Variants in SSU72 observed in about 807,000 individuals in gnomAD.
The protein encoded by SSU72 is SSU72 homolog, RNA polymerase II CTD phosphatase.
SSU72 carries 12 observed loss-of-function variants against 22.7 expected under a neutral mutation model. The observed-to-expected ratio is 0.53, with a 90% CI of 0.34 to 0.86. The LOEUF (loss-of-function observed/expected upper bound fraction) is 0.86, where lower values mean the gene tolerates loss of function less well. Among genes scored for constraint, SSU72 ranks in the 40% least tolerant of loss-of-function variants. The pLI is 0.02. For missense variants in SSU72, 151 were observed against 249.8 expected, an observed-to-expected ratio of 0.60 and a Z score of 2.67; for synonymous variants, 116 against 98.3, an observed-to-expected ratio of 1.18 and a Z score of -1.06.
At chr1:1,564,366 C>G (rs532532726) in intron 2 of SSU72, 26 of 1,126,464 alleles carry the variant, frequency 2.3e-5, no homozygotes, top group Middle Eastern at 3.0e-4. Context: ...TGTGAAGCAG[C>G]CCGGCTCCAT....
At chr1:1,571,727 G>A (rs572554975) in intron 1 of SSU72, among the ~76,000 whole-genome samples, 89 of 152,248 alleles carry the variant, frequency 5.8e-4, no homozygotes, top group Middle Eastern at 3.4e-3. Flanking sequence ...TCGTCTCAGC[G>A]AGGTTATGAC....
chr1:1,549,927 TGC>T (rs1465265626), intron 2 of SSU72, among the ~76,000 whole-genome samples: 1 of 148,880 alleles, frequency 6.7e-6, no homozygotes, highest in Non-Finnish European at 1.5e-5. Flanking sequence ...GAGCCGAGAT[TGC>T]GCCTCTATAC....
chr1:1,543,872 C>T lies in SSU72; in HGVS notation c.480G>A (p.Gln160=). 6.2e-7 allele frequency: 1 copy of T among 1,613,020 alleles called. No individual in the cohort carries two copies. Among genetic ancestry groups the T allele is most frequent in the Non-Finnish European group, 8.5e-7 (1 of 1,179,478 alleles). The change falls in exon 4 of 5, where the codon CAG becomes CAA. Residue 160 remains glutamine (Q), a synonymous_variant. Transcript: ENST00000291386. ...CGGCGCCCAGCCGGGTACTTACACACTGGCAGAGCTCACAGATGAGAAACG... is the reference window on the plus strand; with the variant it reads ...CGGCGCCCAGCCGGGTACTTACACATTGGCAGAGCTCACAGATGAGAAACG... ...LGAFLICELC[Q]CIQHTEDMEN...
intron 2 of SSU72, among the ~76,000 whole-genome samples, chr1:1,547,366 CAATA>C (rs1642402559): frequency 6.6e-6 from 1 of 152,210 alleles, no homozygotes; most frequent in African/African-American, 2.4e-5. Flanking sequence ...GTAGATGAGG[CAATA>C]AATTAAGAAT....
intron 2 of SSU72, among the ~76,000 whole-genome samples, chr1:1,549,674 A>G (rs1209599714): frequency 1.3e-5 from 2 of 151,624 alleles, no homozygotes; most frequent in East Asian, 3.9e-4. Flanking sequence ...CCCTGACTCT[A>G]CTAAAGTACA....
intron 1 of SSU72, among the ~76,000 whole-genome samples, chr1:1,566,264 CA>C (rs1322257918): frequency 1.3e-5 from 2 of 151,554 alleles, no homozygotes; most frequent in Non-Finnish European, 2.9e-5. Flanking sequence ...GACTCTGTCC[CA>C]AAAAAACAAC....
chr1:1,555,690 T>C (rs541591402), intron 2 of SSU72, among the ~76,000 whole-genome samples: 1 of 152,190 alleles, frequency 6.6e-6, no homozygotes, highest in African/African-American at 2.4e-5. Flanking sequence ...ACCACTTCCA[T>C]GTCAACGTAT....
intron 3 of SSU72, among the ~76,000 whole-genome samples, chr1:1,544,236 G>A (rs1642361846): frequency 6.6e-6 from 1 of 152,198 alleles, no homozygotes; most frequent in South Asian, 2.1e-4. Context: ...CCAGTCCTGG[G>A]GTGAACCGTG....
At chr1:1,547,155 G>A (rs1642400590) in intron 2 of SSU72, among the ~76,000 whole-genome samples, 1 of 152,146 alleles carries the variant, frequency 6.6e-6, no homozygotes, top group African/African-American at 2.4e-5. Context: ...GGGTCCAGTG[G>A]CAGCTTCATG....
intron 1 of SSU72, among the ~76,000 whole-genome samples, 155 bp downstream of exon 1, chr1:1,574,323 G>A (rs930729633): frequency 1.3e-5 from 2 of 152,130 alleles, no homozygotes; most frequent in Admixed American, 1.3e-4. Flanking sequence ...GACTACGCGC[G>A]CTGCCGTCCA....
In SSU72 at chr1:1,564,874, G is replaced by A. The variant is rs766638073; in HGVS notation, c.123C>T (p.His41=). The A allele has an allele frequency of 2.0e-5, 33 of 1,613,690 alleles. No individual in the cohort carries two copies. The highest frequency in any genetic ancestry group is 1.2e-4 in the South Asian group (11 of 91,042). Residue 41 remains histidine, a synonymous_variant, in exon 2 of 5, where the codon CAC becomes CAT. Coordinates refer to ENST00000291386, the MANE Select transcript of SSU72 (RefSeq NM_014188.3). ...FSVRSFGTGT[H]VKLPGPAPDK... is the part of the protein sequence containing the mutation. ...CGGGAGCTGGTCCTGGAAGCTTCAC[G>A]TGAGTCCCTGTTCCAAAGGATCGGA...
intron 2 of SSU72, among the ~76,000 whole-genome samples, chr1:1,553,430 A>G (rs760818405): frequency 6.6e-6 from 1 of 152,128 alleles, no homozygotes; most frequent in African/African-American, 2.4e-5. Context: ...TAGGAAATCG[A>G]GATCATCCTT....
chr1:1,571,880 T>C (rs1340613338), intron 1 of SSU72, among the ~76,000 whole-genome samples: 1 of 151,780 alleles, frequency 6.6e-6, no homozygotes, highest in African/African-American at 2.4e-5. Context: ...CTCTGCTTCC[T>C]GCTTCCCGGG....
Position 1,564,811 on chromosome 1 carries a change from G to A in SSU72, c.186C>T (p.Asp62=), listed in dbSNP as rs367574234. The change falls in exon 2 of 5, where the codon GAC becomes GAT. Residue 62 remains aspartate (D), a synonymous_variant. Coordinates refer to ENST00000291386, the MANE Select transcript of SSU72 (RefSeq NM_014188.3). The stretch of plus-strand genomic sequence containing the variant: ...TCCTAAGAAGATCATTGTACATCTG[G>A]TCATATGTGGTTTTGAAATCATAAA... ...PNVYDFKTTY[D]QMYNDLLRKD... is the part of the protein sequence containing the mutation. 4 of 1,614,038 alleles carry A rather than the reference G, an allele frequency of 2.5e-6. No individual in the cohort carries two copies. In the African/African-American group the frequency reaches 4.0e-5, roughly 16 times the overall value.
intron 2 of SSU72, among the ~76,000 whole-genome samples, chr1:1,552,159 G>C (rs541682842): frequency 3.3e-5 from 5 of 152,204 alleles, no homozygotes; most frequent in Admixed American, 6.5e-5. Context: ...CCGCGTGGAC[G>C]CAGGGCCACA....
chr1:1,570,200 A>T (rs1306636891), intron 1 of SSU72, among the ~76,000 whole-genome samples: 1 of 151,828 alleles, frequency 6.6e-6, no homozygotes, highest in East Asian at 1.9e-4. Context: ...GCGCTGAGGC[A>T]GGAGGATCGT....
chr1:1,571,775 T>C (rs1642734200), intron 1 of SSU72, among the ~76,000 whole-genome samples: 1 of 143,962 alleles, frequency 6.9e-6, no homozygotes, highest in African/African-American at 2.8e-5. Flanking sequence ...CCTGATTTTA[T>C]TAACAAGATA....
chr1:1,556,550 A>C (rs1642523737), intron 2 of SSU72, among the ~76,000 whole-genome samples: 1 of 152,184 alleles, frequency 6.6e-6, no homozygotes, highest in South Asian at 2.1e-4. Flanking sequence ...CTCAAAAAAA[A>C]AAAAATTTCA....
chr1:1,545,109 AGCCGGGACGAAG>A (rs1337676014), intron 2 of SSU72, 107 bp from the exon 3 acceptor site: 1 of 1,386,294 alleles, frequency 7.2e-7, no homozygotes, highest in Non-Finnish European at 9.9e-7. Context: ...CAGCAGAGGC[AGCCGGGACGAAG>A]GCCTGGACAG....
Sources: gnomAD v4.1 joint callset for allele counts (sites outside exome capture counted in the v4.1 genomes callset) on GRCh38, gnomAD v4.1.1 for gene constraint, MANE v1.5 for transcripts, NCBI Gene and HGNC (gene_info 2026-07-23, HGNC 2026-07-21) for gene names.